KIAA1217: variants seen among roughly 807,000 people sequenced by gnomAD.
KIAA1217 encodes KIAA1217.
Under a neutral mutation model 163.9 loss-of-function variants are expected in KIAA1217, and 88 were observed. The ratio of observed to expected loss-of-function variants is 0.54; its 90% CI spans 0.45 to 0.64. KIAA1217 has a LOEUF of 0.64. Ranked by LOEUF, KIAA1217 falls within the 30% of genes least tolerant of loss-of-function variation. KIAA1217 has a pLI of 0.00. For missense variants in KIAA1217, 2,372 were observed against 2,475.0 expected, an observed-to-expected ratio of 0.96 and a Z score of 0.88; for synonymous variants, 903 against 923.1, an observed-to-expected ratio of 0.98 and a Z score of 0.39.
chr10:23,746,362 C>A (rs541278076), intron 1 of KIAA1217, among the ~76,000 whole-genome samples: 1 of 152,142 alleles, frequency 6.6e-6, no homozygotes, highest in Non-Finnish European at 1.5e-5. Flanking sequence ...CCTGAGGAAC[C>A]GTGAGCCAAA....
chr10:24,546,327 G>C lies in KIAA1217; in HGVS notation c.*3G>C, dbSNP rs1564918674. On this transcript the variant is annotated 3_prime_UTR_variant, in exon 21 of 21. Transcript: ENST00000376454. Reference sequence around the variant, plus strand: ...CCACAGCAAAAGAAACCTCTTAAAGGTCAAATCCTATTAGGCACAAGTCGG... The same window carrying C: ...CCACAGCAAAAGAAACCTCTTAAAGCTCAAATCCTATTAGGCACAAGTCGG... The C allele has an allele frequency of 6.3e-7, 1 of 1,581,420 alleles. No homozygotes were observed. Among genetic ancestry groups the C allele is most frequent in the Non-Finnish European group, 8.6e-7 (1 of 1,164,602 alleles).
At chr10:23,934,200 T>C (rs1843376613) in intron 1 of KIAA1217, among the ~76,000 whole-genome samples, 1 of 152,130 alleles carries the variant, frequency 6.6e-6, no homozygotes, top group Admixed American at 6.5e-5. Flanking sequence ...TGGAATACTA[T>C]GCAGCCATCA....
intron 1 of KIAA1217, among the ~76,000 whole-genome samples, chr10:23,927,816 C>T (rs1843089588): frequency 6.6e-6 from 1 of 152,120 alleles, no homozygotes; most frequent in African/African-American, 2.4e-5. Context: ...GATTCTTTTT[C>T]AGGCTTACTT....
Position 24,494,491 on chromosome 10 carries a change from GT to G in KIAA1217, c.1680-5del. ...TAAAGCTTTAACAAACAATTCTCTT[GT>G]TTTACAGAGAGAGGATGCAAGCCAT... On this transcript the variant is annotated splice_region_variant and splice_polypyrimidine_tract_variant and intron_variant, in intron 6 of 20. Transcript: ENST00000376454. 1 of 1,602,400 alleles carries G rather than the reference GT, an allele frequency of 6.2e-7. No homozygotes were observed. The highest frequency in any genetic ancestry group is 8.5e-7 in the Non-Finnish European group (1 of 1,170,092).
chr10:24,478,446 T>C (rs2133223523), intron 6 of KIAA1217, among the ~76,000 whole-genome samples: 1 of 152,348 alleles, frequency 6.6e-6, no homozygotes, highest in East Asian at 1.9e-4. Context: ...GAACACAGTG[T>C]CTATGGTATA....
At chr10:24,453,234 T>C (rs2061518068) in intron 5 of KIAA1217, among the ~76,000 whole-genome samples, 1 of 152,258 alleles carries the variant, frequency 6.6e-6, no homozygotes, top group African/African-American at 2.4e-5. Flanking sequence ...GTTTGTCTTC[T>C]TGATTGATTT....
At chr10:23,990,538 T>C (rs925061219) in intron 1 of KIAA1217, among the ~76,000 whole-genome samples, 5 of 152,226 alleles carry the variant, frequency 3.3e-5, no homozygotes, top group African/African-American at 1.2e-4. Flanking sequence ...GCTCCTCCAC[T>C]CTTCTAATGA....
At chr10:24,092,066 A>G (rs929157597) in intron 2 of KIAA1217, among the ~76,000 whole-genome samples, 1 of 151,286 alleles carries the variant, frequency 6.6e-6, no homozygotes, top group African/African-American at 2.4e-5. Context: ...TTCCTCCCCA[A>G]CGTCCTTCTC....
intron 2 of KIAA1217, among the ~76,000 whole-genome samples, chr10:24,354,630 G>T (rs1450747192): frequency 3.3e-5 from 5 of 150,730 alleles, no homozygotes; most frequent in Non-Finnish European, 5.9e-5. Flanking sequence ...GCAGGATGGA[G>T]TGGGAAGATG....
At chr10:23,928,187 C>T (rs1378770029) in intron 1 of KIAA1217, among the ~76,000 whole-genome samples, 1 of 152,202 alleles carries the variant, frequency 6.6e-6, no homozygotes, top group African/African-American at 2.4e-5. Flanking sequence ...CATCTGGCAG[C>T]TCCTTCGAGC....
chr10:24,209,359 G>GAAA, intron 1 of KIAA1217, 96 bp downstream of exon 1: 4 of 648,800 alleles, frequency 6.2e-6, no homozygotes, highest in East Asian at 3.2e-5. Flanking sequence ...ACCCGGCAAA[G>GAAA]GAAAAAAAAA....
At position 23,959,383 on chromosome 10, in the gene KIAA1217, C is replaced by T. The variant is rs937411611; in HGVS notation, c.-320-47842C>T. 3.3e-5 allele frequency among the ~76,000 whole-genome samples: 5 copies of T among 152,186 alleles called. No homozygotes were observed. The East Asian group carries it at 5.8e-4, about 18-fold the overall frequency. On this transcript the variant is annotated intron_variant, in intron 1 of 18. Coordinates refer to the KIAA1217 transcript ENST00000376462. ...TATCTCAGTTTAAAAATTAGCCAGG[C>T]GCAGTGGTGCATACCCTTAGTCCCA... is the stretch of plus-strand genomic sequence containing the variant.
chr10:24,225,186 C>T (rs142482949), intron 2 of KIAA1217, among the ~76,000 whole-genome samples: 13 of 152,216 alleles, frequency 8.5e-5, no homozygotes, highest in African/African-American at 2.6e-4. Context: ...AGTGCAGTGG[C>T]GTGATCACAG....
At chr10:23,824,609 C>A (rs1837786541) in intron 1 of KIAA1217, among the ~76,000 whole-genome samples, 2 of 90,110 alleles carry the variant, frequency 2.2e-5, no homozygotes, top group South Asian at 4.3e-4. Context: ...GCCTGGGCAA[C>A]AAGAGTGAAA....
At chr10:23,852,672 G>T (rs1171000156) in intron 1 of KIAA1217, among the ~76,000 whole-genome samples, 1 of 152,122 alleles carries the variant, frequency 6.6e-6, no homozygotes, top group Admixed American at 6.5e-5. Context: ...CCATTTGTTT[G>T]TATCCTCTTT....
chr10:23,988,474 G>T (rs542092651), intron 1 of KIAA1217, among the ~76,000 whole-genome samples: 2 of 152,016 alleles, frequency 1.3e-5, no homozygotes, highest in African/African-American at 4.8e-5. Flanking sequence ...TGAATTCTAT[G>T]ATTTATATCT....
intron 1 of KIAA1217, among the ~76,000 whole-genome samples, chr10:23,954,741 G>A (rs144921484): frequency 1.4e-3 from 207 of 152,208 alleles, no homozygotes; most frequent in Non-Finnish European, 2.3e-3. Flanking sequence ...TTTAATCCTC[G>A]GAGCAAACTT....
chr10:24,032,761 T>C (rs1243680953), intron 2 of KIAA1217, among the ~76,000 whole-genome samples: 2 of 152,216 alleles, frequency 1.3e-5, no homozygotes, highest in Non-Finnish European at 2.9e-5. Flanking sequence ...GCTTTGGGGT[T>C]GTTGTGCTTT....
intron 1 of KIAA1217, among the ~76,000 whole-genome samples, chr10:23,878,101 A>C (rs77929276): frequency 0.01 from 1,524 of 152,058 alleles, 9 homozygotes; most frequent in Non-Finnish European, 0.015. Flanking sequence ...GCTCTAAAAC[A>C]AGAAGACCGA....
Sources: gnomAD v4.1 joint callset for allele counts (sites outside exome capture counted in the v4.1 genomes callset) on GRCh38, gnomAD v4.1.1 for gene constraint, MANE v1.5 for transcripts, NCBI Gene and HGNC (gene_info 2026-07-23, HGNC 2026-07-21) for gene names.